IL1RAPL1: variants seen among roughly 807,000 people sequenced by gnomAD.
IL1RAPL1 encodes the protein interleukin-1 receptor accessory protein-like 1.
A neutral mutation model predicts 48.4 loss-of-function variants in IL1RAPL1; 3 were observed. The ratio of observed to expected loss-of-function variants is 0.06; its 90% CI spans 0.03 to 0.16. The LOEUF (loss-of-function observed/expected upper bound fraction) is 0.16. IL1RAPL1 is among the 10% of genes least tolerant of loss of function. IL1RAPL1 has a pLI of 1.00. For missense variants in IL1RAPL1, 349 were observed against 530.6 expected, an observed-to-expected ratio of 0.66 and a Z score of 3.36; for synonymous variants, 185 against 187.7, an observed-to-expected ratio of 0.99 and a Z score of 0.12.
chrX:29,533,763 G>A (rs139822432), intron 5 of IL1RAPL1, among the ~76,000 whole-genome samples: 1,132 of 111,472 alleles, frequency 0.01, 21 homozygotes, highest in Non-Finnish European at 0.015. Context: ...ACTCGTTTTC[G>A]TTTTTTATTT....
intron 6 of IL1RAPL1, among the ~76,000 whole-genome samples, chrX:29,708,294 T>G (rs1350627750): frequency 4.5e-5 from 5 of 111,696 alleles, no homozygotes; most frequent in Non-Finnish European, 7.5e-5. Context: ...GTTTCCAGTT[T>G]GAAATACACA....
intron 2 of IL1RAPL1, among the ~76,000 whole-genome samples, chrX:29,084,941 C>A (rs1927922016): frequency 8.9e-6 from 1 of 112,100 alleles, no homozygotes; most frequent in African/African-American, 3.2e-5. Flanking sequence ...GATCCACCTG[C>A]CTCGGCCTCC....
intron 2 of IL1RAPL1, among the ~76,000 whole-genome samples, chrX:28,963,223 ATTCTT>A (rs1924832321): frequency 9.0e-6 from 1 of 111,325 alleles, no homozygotes; most frequent in Admixed American, 9.7e-5. Context: ...TTGGATTTTT[ATTCTT>A]TTGAGTGCAA....
chrX:29,659,617 G>C (rs781605731), intron 5 of IL1RAPL1, among the ~76,000 whole-genome samples: 1 of 111,584 alleles, frequency 9.0e-6, no homozygotes, highest in African/African-American at 3.3e-5. Context: ...GTTTTTGTTT[G>C]TGTTTTTGTT....
At chrX:29,247,783 AAAAT>A (rs1392051866) in intron 2 of IL1RAPL1, among the ~76,000 whole-genome samples, 2 of 111,862 alleles carry the variant, frequency 1.8e-5, no homozygotes, top group East Asian at 2.8e-4. Flanking sequence ...CTCTGTCTCA[AAAAT>A]AAATAATTAA....
chrX:29,368,066 G>A (rs1191617291), intron 3 of IL1RAPL1, among the ~76,000 whole-genome samples: 3 of 110,703 alleles, frequency 2.7e-5, no homozygotes, highest in African/African-American at 9.8e-5. Flanking sequence ...ACTACATATG[G>A]CAAATATTAA....
At chrX:28,687,293 G>A (rs189051092) in intron 1 of IL1RAPL1, among the ~76,000 whole-genome samples, 25 of 111,511 alleles carry the variant, frequency 2.2e-4, no homozygotes, top group Admixed American at 2.2e-3. Flanking sequence ...AATTTTATTA[G>A]GTAAGCCAAT....
intron 6 of IL1RAPL1, among the ~76,000 whole-genome samples, chrX:29,850,595 C>CGG (rs1931344334): frequency 8.9e-6 from 1 of 112,322 alleles, no homozygotes; most frequent in Non-Finnish European, 1.9e-5. Flanking sequence ...CCGTAAGGCT[C>CGG]GGTGTGGGTG....
At chrX:29,885,798 G>A (rs1221057346) in intron 6 of IL1RAPL1, among the ~76,000 whole-genome samples, 1 of 111,388 alleles carries the variant, frequency 9.0e-6, no homozygotes, top group Non-Finnish European at 1.9e-5. Context: ...CAGCCTAGGT[G>A]ACAGAGCAAG....
intron 2 of IL1RAPL1, among the ~76,000 whole-genome samples, chrX:28,812,893 G>A (rs1462004251): frequency 9.1e-6 from 1 of 110,173 alleles, no homozygotes; most frequent in Non-Finnish European, 1.9e-5. Context: ...TCATTTTCTT[G>A]ACATCACCCA....
intron 2 of IL1RAPL1, among the ~76,000 whole-genome samples, chrX:28,875,438 G>A (rs760313576): frequency 2.7e-5 from 3 of 112,468 alleles, no homozygotes; most frequent in Middle Eastern, 4.6e-3. Flanking sequence ...GAACAGCCCC[G>A]AATATGAATG....
intron 6 of IL1RAPL1, among the ~76,000 whole-genome samples, chrX:29,671,658 T>C (rs1926145638): frequency 1.8e-5 from 2 of 111,896 alleles, no homozygotes; most frequent in Admixed American, 1.9e-4. Flanking sequence ...AGCCTGAGTA[T>C]TTTTTCAGGC....
intron 2 of IL1RAPL1, among the ~76,000 whole-genome samples, chrX:29,230,767 T>G (rs765389018): frequency 9.0e-6 from 1 of 110,884 alleles, no homozygotes; most frequent in East Asian, 2.8e-4. Context: ...GGTCAGGTCA[T>G]TCTTCAACCA....
At chrX:29,858,869 T>G (rs1455363569) in intron 6 of IL1RAPL1, among the ~76,000 whole-genome samples, 2 of 111,194 alleles carry the variant, frequency 1.8e-5, no homozygotes, top group African/African-American at 6.5e-5. Flanking sequence ...CTGAGCTGTC[T>G]GAATTCAGCC....
chrX:28,810,107 C>T (rs1280799076), intron 2 of IL1RAPL1, among the ~76,000 whole-genome samples: 1 of 110,085 alleles, frequency 9.1e-6, no homozygotes, highest in South Asian at 3.8e-4. Flanking sequence ...GAATTAAGTT[C>T]GAGATTCCTA....
At chrX:28,692,524 T>C (rs1001967690) in intron 1 of IL1RAPL1, among the ~76,000 whole-genome samples, 3 of 111,739 alleles carry the variant, frequency 2.7e-5, no homozygotes, top group Non-Finnish European at 5.6e-5. Flanking sequence ...TACATTGTAG[T>C]AATTATATAT....
At chrX:28,664,125 TC>T (rs1269738689) in intron 1 of IL1RAPL1, among the ~76,000 whole-genome samples, 4 of 112,180 alleles carry the variant, frequency 3.6e-5, no homozygotes, top group Admixed American at 2.8e-4. Context: ...CCTGTTTTTT[TC>T]TACGCAAACA....
chrX:29,230,606 T>C lies in IL1RAPL1; in HGVS notation c.83-52332T>C, dbSNP rs1202253699. Reference sequence around the variant, plus strand: ...ATCTCCCCATCCCTTCCTACAATCGTTTATACTACTGAAAACTTGAAAGCC... The same window carrying C: ...ATCTCCCCATCCCTTCCTACAATCGCTTATACTACTGAAAACTTGAAAGCC... On this transcript the variant is annotated intron_variant, in intron 2 of 10. Transcript: ENST00000378993. Among the ~76,000 whole-genome samples the C allele has an allele frequency of 3.8e-5, 4 of 106,444 alleles. No homozygotes were observed. The Admixed American group carries it at 4.1e-4, about 11-fold the overall frequency. The allele number at this position is 106,444 out of a possible 115,157, so 92.4% of individuals were successfully genotyped here.
chrX:29,131,271 T>G (rs970821675), intron 2 of IL1RAPL1, among the ~76,000 whole-genome samples: 1 of 84,695 alleles, frequency 1.2e-5, no homozygotes, highest in African/African-American at 3.6e-5. Flanking sequence ...CCTGTGTGTG[T>G]GTGTATATAT....
Sources: allele counts gnomAD v4.1 joint callset (sites outside exome capture counted in the v4.1 genomes callset), GRCh38; gene constraint gnomAD v4.1.1; transcripts MANE v1.5; gene names NCBI Gene and HGNC (gene_info 2026-07-23, HGNC 2026-07-21).